The following LARP4B variants were observed in gnomAD, a reference collection of about 807,000 sequenced individuals.
LARP4B encodes the protein la-related protein 4B.
A neutral mutation model predicts 89.8 loss-of-function variants in LARP4B; 12 were observed. That is an observed-to-expected ratio of 0.13 (90% confidence interval 0.09 to 0.22). The LOEUF is 0.22. Among genes scored for constraint, LARP4B ranks in the 10% least tolerant of loss-of-function variants. The pLI, the probability that LARP4B is intolerant of heterozygous loss-of-function variation, is 1.00. For synonymous variants in LARP4B, 367 were observed against 363.3 expected (o/e 1.01, Z -0.12); for missense variants, 757 against 947.7 (o/e 0.80, Z 2.64).
chr10:923,465 C>T lies in LARP4B; in HGVS notation c.-40+7963G>A, dbSNP rs371742774. Among the ~76,000 whole-genome samples the T allele has an allele frequency of 4.0e-5, 6 of 151,634 alleles. No individual in the cohort carries two copies. In the South Asian group the frequency reaches 6.2e-4, roughly 16 times the overall value. On this transcript the variant is annotated intron_variant, in intron 1 of 17. Coordinates refer to ENST00000316157, the MANE Select transcript of LARP4B (RefSeq NM_015155.3). Reference sequence around the variant, plus strand: ...CCTCTCAGGAAGAAGTGTGACTGCTCCCCAACCTGACCAAACTTTCCCCCT... The same window carrying T: ...CCTCTCAGGAAGAAGTGTGACTGCTTCCCAACCTGACCAAACTTTCCCCCT...
At chr10:876,550 G>A (rs1266400601) in intron 3 of LARP4B, among the ~76,000 whole-genome samples, 1 of 152,156 alleles carries the variant, frequency 6.6e-6, no homozygotes, top group African/African-American at 2.4e-5. Context: ...TGGGCACAGT[G>A]GAACAGGGTT....
intron 5 of LARP4B, among the ~76,000 whole-genome samples, chr10:860,008 C>G (rs1185933988): frequency 6.6e-6 from 1 of 151,136 alleles, no homozygotes; most frequent in Non-Finnish European, 1.5e-5. Context: ...AGAGTGAGCC[C>G]TCATGTAAAC....
intron 3 of LARP4B, chr10:873,512 C>G (rs1438476351): frequency 3.1e-6 from 2 of 639,954 alleles, no homozygotes; most frequent in African/African-American, 4.0e-5. Context: ...TCCAGTATTT[C>G]CCAAATTATA....
In LARP4B at chr10:848,237, G is replaced by A. The variant is rs1202866579; in HGVS notation, c.431-3182C>T. ...ATAGGAACAGGCCCCACACAGCACCGTCCCACTCACACCTAACATCTTAAA... is the reference window on the plus strand; with the variant it reads ...ATAGGAACAGGCCCCACACAGCACCATCCCACTCACACCTAACATCTTAAA... On this transcript the variant is annotated intron_variant, in intron 5 of 17. Coordinates refer to ENST00000316157, the MANE Select transcript of LARP4B (RefSeq NM_015155.3). 1.3e-5 allele frequency among the ~76,000 whole-genome samples: 2 copies of A among 152,200 alleles called. 1 individual carries two copies. Among genetic ancestry groups the A allele is most frequent in the Middle Eastern group, 6.8e-3 (2 of 294 alleles).
At chr10:920,828 A>T (rs1050726248) in intron 1 of LARP4B, among the ~76,000 whole-genome samples, 23 of 152,214 alleles carry the variant, frequency 1.5e-4, no homozygotes, top group Admixed American at 6.5e-5. Context: ...TTCCAGACTG[A>T]TAACGATGGA....
intron 1 of LARP4B, among the ~76,000 whole-genome samples, chr10:911,428 C>G (rs907134546): frequency 6.6e-6 from 1 of 152,144 alleles, no homozygotes; most frequent in Admixed American, 6.5e-5. Flanking sequence ...AACTGAAACT[C>G]ACCTTAAAAT....
chr10:903,895 C>A (rs762611518), intron 1 of LARP4B, among the ~76,000 whole-genome samples: 35 of 152,008 alleles, frequency 2.3e-4, no homozygotes, highest in Non-Finnish European at 4.4e-4. Context: ...TAATCCTGTG[C>A]GGCTCAAATG....
At chr10:876,326 A>C (rs1198234835) in intron 3 of LARP4B, among the ~76,000 whole-genome samples, 2 of 152,148 alleles carry the variant, frequency 1.3e-5, no homozygotes. Flanking sequence ...CAGAGGCTGC[A>C]GTGAGCAGAT....
chr10:891,012 T>A (rs368080789), intron 1 of LARP4B, among the ~76,000 whole-genome samples: 5 of 152,160 alleles, frequency 3.3e-5, no homozygotes, highest in South Asian at 2.1e-4. Context: ...TTAAGATTCT[T>A]ATGATAGCCA....
chr10:916,247 T>C lies in LARP4B; in HGVS notation c.-40+15181A>G, dbSNP rs142387487. Among the ~76,000 whole-genome samples the C allele has an allele frequency of 6.2e-4, 94 of 152,332 alleles. No individual in the cohort carries two copies. The East Asian group carries it at 0.018, about 29-fold the overall frequency. On this transcript the variant is annotated intron_variant, in intron 1 of 17. Transcript: ENST00000316157. ...AAAAATAACCAAATTTCCTTGTAAA[T>C]TGTGTCTTTAACTGTAGCTACTCTA...
intron 1 of LARP4B, among the ~76,000 whole-genome samples, chr10:930,689 A>T (rs1837274463): frequency 6.6e-6 from 1 of 152,200 alleles, no homozygotes; most frequent in Admixed American, 6.5e-5. Flanking sequence ...CAACACAGGC[A>T]ATCTTCACAT....
the LARP4B span, among the ~76,000 whole-genome samples, chr10:961,551 G>A: frequency 3.1e-5 from 4 of 127,080 alleles, no homozygotes; most frequent in South Asian, 2.6e-4. Flanking sequence ...CACTCATGGC[G>A]GCGTGGTGCC....
Position 822,652 on chromosome 10 carries a change from C to T in LARP4B, c.1485-1807G>A, listed in dbSNP as rs184773956. ...TCAGTGACAGGGCCATGGTGGGTTACAGCTCACAAGGGGTAGCAAGGGACC... is the reference window on the plus strand; with the variant it reads ...TCAGTGACAGGGCCATGGTGGGTTATAGCTCACAAGGGGTAGCAAGGGACC... On this transcript the variant is annotated intron_variant, in intron 13 of 17. Transcript: ENST00000316157. The surrounding 1 kb of genome is among the most constrained non-coding windows in gnomAD (Gnocchi z 4.6). Among the ~76,000 whole-genome samples the T allele has an allele frequency of 2.8e-4, 43 of 152,336 alleles. No individual in the cohort carries two copies. Among genetic ancestry groups the T allele is most frequent in the African/African-American group, 1.0e-3 (42 of 41,568 alleles).
intron 11 of LARP4B, among the ~76,000 whole-genome samples, chr10:827,406 T>C (rs1832689822): frequency 6.6e-6 from 1 of 152,142 alleles, no homozygotes; most frequent in Admixed American, 6.5e-5. Context: ...GCCCTGATAT[T>C]CCAGTAATTT....
intron 1 of LARP4B, among the ~76,000 whole-genome samples, chr10:905,633 G>A (rs938588348): frequency 2.0e-5 from 3 of 151,540 alleles, no homozygotes; most frequent in Admixed American, 6.6e-5. Context: ...TTATTCTGTC[G>A]CAAAAAAAAG....
chr10:909,962 A>G (rs1836622290), intron 1 of LARP4B, among the ~76,000 whole-genome samples: 1 of 152,158 alleles, frequency 6.6e-6, no homozygotes, highest in African/African-American at 2.4e-5. Flanking sequence ...TGTGACTGAG[A>G]AAAGAAAAAC....
intron 8 of LARP4B, among the ~76,000 whole-genome samples, chr10:833,249 TA>T (rs56788542): frequency 0.043 from 2,210 of 51,716 alleles, 27 homozygotes; most frequent in East Asian, 0.12. Flanking sequence ...TGATGAGCTT[TA>T]AAAAAAAAAA....
intron 1 of LARP4B, among the ~76,000 whole-genome samples, chr10:907,115 G>A (rs997459048): frequency 6.6e-6 from 1 of 152,206 alleles, no homozygotes; most frequent in Admixed American, 6.5e-5. Context: ...CAGGAATACA[G>A]CATATCAAAT....
chr10:913,069 T>G (rs577896624), intron 1 of LARP4B, among the ~76,000 whole-genome samples: 1 of 102,056 alleles, frequency 9.8e-6, no homozygotes, highest in African/African-American at 3.3e-5. Flanking sequence ...GACTATCCCT[T>G]TTTGATTCAA....
Sources: gnomAD v4.1 joint callset for allele counts (sites outside exome capture counted in the v4.1 genomes callset) on GRCh38, gnomAD v4.1.1 for gene constraint, Gnocchi (gnomAD v3.1) non-coding constraint, MANE v1.5 for transcripts, NCBI Gene and HGNC (gene_info 2026-07-23, HGNC 2026-07-21) for gene names.